Variants in HAVCR2 observed in about 807,000 individuals in gnomAD.
HAVCR2 encodes the protein T cell immunoglobulin mucin 3.
A neutral mutation model predicts 24.7 loss-of-function variants in HAVCR2; 13 were observed. The ratio of observed to expected loss-of-function variants is 0.53; its 90% confidence interval spans 0.34 to 0.84. HAVCR2 has a LOEUF of 0.84. HAVCR2 is among the 40% of genes least tolerant of loss of function. The pLI, the probability that HAVCR2 is intolerant of heterozygous loss-of-function variation, is 0.01. For missense variants in HAVCR2, 343 were observed against 371.2 expected (o/e 0.92, Z 0.62); for synonymous variants, 154 against 143.4 (o/e 1.07, Z -0.53).
intron 5 of HAVCR2, among the ~76,000 whole-genome samples, chr5:157,091,983 G>A (rs540980988): frequency 2.2e-4 from 33 of 152,018 alleles, no homozygotes; most frequent in Non-Finnish European, 4.3e-4. Context: ...GAAAAGATTG[G>A]AAATGAAACA....
chr5:157,104,248 G>A (rs142159949), intron 3 of HAVCR2, among the ~76,000 whole-genome samples: 89 of 152,244 alleles, frequency 5.8e-4, no homozygotes, highest in Admixed American at 1.6e-3. Context: ...GGAAGGTGAT[G>A]GGCTTTATTC....
intron 3 of HAVCR2, among the ~76,000 whole-genome samples, chr5:157,102,765 T>A (rs1366183643): frequency 6.6e-6 from 1 of 151,786 alleles, no homozygotes; most frequent in African/African-American, 2.4e-5. Flanking sequence ...TGAAACCCCG[T>A]CTCTAATAAA....
At position 157,087,044 on chromosome 5, in the gene HAVCR2, A is replaced by G. The variant is rs1756922831; in HGVS notation, c.*58T>C. The G allele has an allele frequency of 1.3e-6, 2 of 1,510,078 alleles. No homozygotes were observed. Among genetic ancestry groups the G allele is most frequent in the East Asian group, 4.5e-5 (2 of 44,222 alleles). 93.5% of individuals were successfully genotyped at this position (1,510,078 alleles called of 1,614,324 possible). A position where few individuals can be genotyped will look rare whatever the true frequency, so the allele number is the denominator to read the frequency against. The stretch of plus-strand genomic sequence containing the variant: ...GAACCTCCAAAACCAGTCAGGTGAC[A>G]CAGCTCATAGTTTCTGAAAAAGACA... On this transcript the variant is annotated 3_prime_UTR_variant, in exon 7 of 7. Coordinates refer to ENST00000307851, the MANE Select transcript of HAVCR2 (RefSeq NM_032782.5).
intron 1 of HAVCR2, among the ~76,000 whole-genome samples, chr5:157,108,100 C>T (rs1757278214): frequency 6.6e-6 from 1 of 151,662 alleles, no homozygotes; most frequent in South Asian, 2.1e-4. Flanking sequence ...ATAAAACATT[C>T]ATTATATATT....
intron 4 of HAVCR2, among the ~76,000 whole-genome samples, 153 bp downstream of exon 4, chr5:157,098,705 A>G (rs1316863424): frequency 6.6e-6 from 1 of 152,206 alleles, no homozygotes; most frequent in East Asian, 1.9e-4. Context: ...TGAGGTTAGA[A>G]CTGTCATCAT....
chr5:157,098,990 CT>C (rs1236202113), intron 3 of HAVCR2, 89 bp from the exon 4 acceptor site: 14 of 1,114,226 alleles, frequency 1.3e-5, no homozygotes, highest in Non-Finnish European at 1.8e-5. Flanking sequence ...TTTAAAAAAT[CT>C]TAATGATGCC....
chr5:157,088,888 G>C (rs1756952628), intron 6 of HAVCR2, 53 bp downstream of exon 6: 1 of 1,453,316 alleles, frequency 6.9e-7, no homozygotes, highest in Non-Finnish European at 9.6e-7. Flanking sequence ...ACATGTTAGA[G>C]TAGGGACTTC....
At position 157,087,171 on chromosome 5, in the gene HAVCR2, C is replaced by T. The variant is rs759245021; in HGVS notation, c.837G>A (p.Glu279=). The T allele has an allele frequency of 2.5e-6, 4 of 1,613,972 alleles. No homozygotes were observed. The highest frequency in any genetic ancestry group is 3.3e-5 in the Admixed American group (2 of 59,962). The stretch of plus-strand genomic sequence containing the variant: ...GCCTGCTGCTGACATAGCAATAATA[C>T]TCATTGGGCTCCTCCACTTCATATA... ...ENVYEVEEPN[E]YYCYVSSRQQ... The change falls in exon 7 of 7, where the codon GAG becomes GAA. Residue 279 remains glutamate (E), a synonymous_variant. Transcript: ENST00000307851.
At chr5:157,088,621 C>A (rs543275498) in intron 6 of HAVCR2, among the ~76,000 whole-genome samples, 2 of 152,064 alleles carry the variant, frequency 1.3e-5, no homozygotes, top group Non-Finnish European at 2.9e-5. Flanking sequence ...CAGCCCAGAC[C>A]CTGGATATAA....
chr5:157,088,992 AC>A lies in HAVCR2; in HGVS notation c.677-16del, dbSNP rs1358314557. 6.3e-7 allele frequency: 1 copy of A among 1,598,318 alleles called. No homozygotes were observed. On this transcript the variant is annotated splice_polypyrimidine_tract_variant and intron_variant, in intron 5 of 6. Coordinates refer to ENST00000307851, the MANE Select transcript of HAVCR2 (RefSeq NM_032782.5). ...ATGAGAATACCCTAGTAAGGGGGAAACAAAAGCCAATAAAAATGCATTCATA... is the reference window on the plus strand; with the variant it reads ...ATGAGAATACCCTAGTAAGGGGGAAAAAAAGCCAATAAAAATGCATTCATA...
rs146979399 is a variant in HAVCR2 at position 157,087,114 on chromosome 5, A to G, written c.894T>C (p.Phe298=). The part of the protein sequence containing the change: ...QQPSQPLGCR[F]AMP Reference sequence around the variant, plus strand: ...AAGGTGGTTGGATCTATGGCATTGCAAAGCGACAACCCAAAGGTTGTGAGG... The same window carrying G: ...AAGGTGGTTGGATCTATGGCATTGCGAAGCGACAACCCAAAGGTTGTGAGG... The change falls in exon 7 of 7, where the codon TTT becomes TTC. Residue 298 remains phenylalanine, a synonymous_variant. Coordinates refer to ENST00000307851, the MANE Select transcript of HAVCR2 (RefSeq NM_032782.5). The G allele has an allele frequency of 2.3e-4, 366 of 1,612,798 alleles. 1 individual carries two copies. The highest frequency in any genetic ancestry group is 3.2e-4 in the Admixed American group (19 of 59,518).
In HAVCR2 at chr5:157,088,921, C is replaced by G. The variant is rs745835187; in HGVS notation, c.713+20G>C. On this transcript the variant is annotated intron_variant, in intron 6 of 6. Transcript: ENST00000307851. ...TTCCAAGATTCTCACCTTTTCCCAA[C>G]CCCATTCCATTATTCTTACCTTAAA... 3 of 1,603,558 alleles carry G rather than the reference C, an allele frequency of 1.9e-6. No individual in the cohort carries two copies. The highest frequency in any genetic ancestry group is 1.7e-6 in the Non-Finnish European group (2 of 1,172,368).
intron 3 of HAVCR2, among the ~76,000 whole-genome samples, chr5:157,103,037 G>A (rs1197262772): frequency 4.6e-5 from 7 of 151,552 alleles, no homozygotes; most frequent in African/African-American, 1.7e-4. Flanking sequence ...AGTGAACTCC[G>A]TCTACAGCAA....
chr5:157,100,910 AT>A (rs1414295469), intron 3 of HAVCR2, among the ~76,000 whole-genome samples: 1 of 152,170 alleles, frequency 6.6e-6, no homozygotes, highest in Non-Finnish European at 1.5e-5. Context: ...ATCCTGGCCA[AT>A]ATGGTGAAAC....
intron 3 of HAVCR2, among the ~76,000 whole-genome samples, chr5:157,101,903 G>A (rs945694564): frequency 2.0e-5 from 3 of 147,386 alleles, no homozygotes; most frequent in African/African-American, 7.5e-5. Flanking sequence ...GCCCTGCCAA[G>A]TAGCTGGGAC....
chr5:157,092,336 C>A (rs1046257403), intron 5 of HAVCR2, among the ~76,000 whole-genome samples: 3 of 151,998 alleles, frequency 2.0e-5, no homozygotes, highest in Admixed American at 6.6e-5. Context: ...ATGACTCATG[C>A]CTATAATCCC....
rs186373623 is a variant in HAVCR2, at chr5:157,107,223, T to C, written c.59-261A>G. On this transcript the variant is annotated intron_variant, in intron 1 of 6. Coordinates refer to ENST00000307851, the MANE Select transcript of HAVCR2 (RefSeq NM_032782.5). ...CTGTGGTAGAGCCTGAGAACTTTTA[T>C]TTCTAACAAGTTCTCAAGTGTTGCT... 297 of 434,250 alleles carry C rather than the reference T, an allele frequency of 6.8e-4. 4 individuals carry two copies. In the East Asian group the frequency reaches 0.01, roughly 15 times the overall value. The allele number at this position is 434,250 out of a possible 1,614,324, so 26.9% of individuals were successfully genotyped here.
At chr5:157,101,308 C>T (rs1373609925) in intron 3 of HAVCR2, among the ~76,000 whole-genome samples, 1 of 152,096 alleles carries the variant, frequency 6.6e-6, no homozygotes, top group Non-Finnish European at 1.5e-5. Flanking sequence ...TTTTTTCACA[C>T]AGATTTGGCC....
chr5:157,098,045 G>A lies in HAVCR2; in HGVS notation c.522+813C>T, dbSNP rs530372016. On this transcript the variant is annotated intron_variant, in intron 4 of 6. Coordinates refer to ENST00000307851, the MANE Select transcript of HAVCR2 (RefSeq NM_032782.5). The stretch of plus-strand genomic sequence containing the variant: ...CCAGCACTTTGGGAGGCCAAGTTGG[G>A]CGGATCACCTGAGGTCAGGAGTTCA... 7.1e-4 allele frequency among the ~76,000 whole-genome samples: 108 copies of A among 152,150 alleles called. 1 individual carries two copies. The highest frequency in any genetic ancestry group is 2.5e-3 in the African/African-American group (105 of 41,540).
Sources: allele counts gnomAD v4.1 joint callset (sites outside exome capture counted in the v4.1 genomes callset), GRCh38; gene constraint gnomAD v4.1.1; transcripts MANE v1.5; gene names NCBI Gene and HGNC (gene_info 2026-07-23, HGNC 2026-07-21).